BAIAP2: variants seen among roughly 807,000 people sequenced by gnomAD.
BAIAP2 encodes BAR/IMD domain containing adaptor protein 2, also known as BAR/IMD domain-containing adapter protein 2.
Under a neutral mutation model 63.0 loss-of-function variants are expected in BAIAP2, and 18 were observed. The ratio of observed to expected loss-of-function variants is 0.29; its 90% CI spans 0.20 to 0.42. BAIAP2 has a LOEUF of 0.42. Among genes scored for constraint, BAIAP2 ranks in the 10% least tolerant of loss-of-function variants. The pLI, the probability that BAIAP2 is intolerant of heterozygous loss-of-function variation, is 1.00. For synonymous variants in BAIAP2, 386 were observed against 307.6 expected (o/e 1.25, Z -2.67); for missense variants, 610 against 734.3 (o/e 0.83, Z 1.96).
rs2049870907 is a variant in BAIAP2, at chr17:81,057,973, A to AG, written c.217+6_217+7insG. The AG allele has an allele frequency of 7.8e-6, 6 of 765,850 alleles. No homozygotes were observed. Among genetic ancestry groups the AG allele is most frequent in the South Asian group, 4.8e-5 (2 of 41,258 alleles). 47.4% of individuals were successfully genotyped at this position (765,850 alleles called of 1,614,324 possible). On this transcript the variant is annotated splice_region_variant and intron_variant, in intron 3 of 13. Transcript: ENST00000428708. The stretch of plus-strand genomic sequence containing the variant: ...CCAGGGCTCCAAAGAACTCGGTGAG[A>AG]CCCCCCCCCCCCCCCCGCCTGGTAG...
chr17:81,067,680 C>T (rs539507515), intron 3 of BAIAP2, among the ~76,000 whole-genome samples: 43 of 152,334 alleles, frequency 2.8e-4, no homozygotes, highest in Admixed American at 1.1e-3. Flanking sequence ...CTCTGAGGCC[C>T]GGCCAGGTGT....
chr17:81,049,120 G>A (rs2048280418), intron 1 of BAIAP2, among the ~76,000 whole-genome samples: 1 of 152,254 alleles, frequency 6.6e-6, no homozygotes, highest in Admixed American at 6.5e-5. Flanking sequence ...CGTGGTCGCC[G>A]GGGGCACAGC....
At chr17:81,085,467 C>A (rs551801812) in intron 4 of BAIAP2, 187 bp from the exon 5 acceptor site, 3 of 699,058 alleles carry the variant, frequency 4.3e-6, no homozygotes, top group East Asian at 2.7e-5. Flanking sequence ...GTTCAGCACT[C>A]GCTCCTGGCT....
In BAIAP2 at chr17:81,035,176, G is replaced by A. The variant is rs539313380; in HGVS notation, c.-79G>A. On this transcript the variant is annotated 5_prime_UTR_variant, in exon 1 of 14. Coordinates refer to ENST00000428708, the MANE Select transcript of BAIAP2 (RefSeq NM_001144888.2). Reference sequence around the variant, plus strand: ...GTGGTTCGGGTCCGCTTTCGTCTCCGTCCTGCTGCCGTTACCGCCGCTGCT... The same window carrying A: ...GTGGTTCGGGTCCGCTTTCGTCTCCATCCTGCTGCCGTTACCGCCGCTGCT... 7.3e-5 allele frequency: 91 copies of A among 1,247,010 alleles called. No homozygotes were observed. In the East Asian group the frequency reaches 1.4e-3, roughly 20 times the overall value. 77.2% of individuals were successfully genotyped at this position (1,247,010 alleles called of 1,614,324 possible).
intron 6 of BAIAP2, chr17:81,098,269 G>C: frequency 8.6e-7 from 1 of 1,167,126 alleles, no homozygotes; most frequent in African/African-American, 1.6e-5. Flanking sequence ...AGCACAGTCC[G>C]GGGCCTGGGA....
rs1242366845 is a variant in BAIAP2, at chr17:81,117,369, A to AACAAAAC, written c.*1539_*1545dup. The stretch of plus-strand genomic sequence containing the variant: ...CATTGCACCAGCGTTCTAAGCCTCA[A>AACAAAAC]ACAAAACACAAAACAAATCCCCCTG... On this transcript the variant is annotated 3_prime_UTR_variant, in exon 14 of 14. Transcript: ENST00000428708. The AACAAAAC allele has an allele frequency of 6.6e-6, 1 of 152,320 alleles. No homozygotes were observed. The highest frequency in any genetic ancestry group is 2.4e-5 in the African/African-American group (1 of 41,456). 9.4% of individuals were successfully genotyped at this position (152,320 alleles called of 1,614,324 possible). A position where few individuals can be genotyped will look rare whatever the true frequency, so the allele number is the denominator to read the frequency against.
rs1420733901 is a variant in BAIAP2, at chr17:81,085,599, G to A, written c.280-55G>A. 2.7e-6 allele frequency: 4 copies of A among 1,488,322 alleles called. No homozygotes were observed. The Admixed American group carries it at 6.7e-5, about 25-fold the overall frequency. The allele number at this position is 1,488,322 out of a possible 1,614,324, so 92.2% of individuals were successfully genotyped here. ...CCGCTCTAGCCCTGCCCTGCCTCCT[G>A]TTCCGGGTCCATGTGTTGGAGCTGA... On this transcript the variant is annotated intron_variant, in intron 4 of 13. Coordinates refer to ENST00000428708, the MANE Select transcript of BAIAP2 (RefSeq NM_001144888.2).
At chr17:81,108,836 C>CT in intron 13 of BAIAP2, 1 of 1,381,818 alleles carries the variant, frequency 7.2e-7, no homozygotes. Context: ...CGCCCTTGTC[C>CT]TGGGTCTTCC....
intron 3 of BAIAP2, among the ~76,000 whole-genome samples, chr17:81,073,302 T>C (rs1018160538): frequency 2.0e-5 from 3 of 152,128 alleles, no homozygotes; most frequent in Admixed American, 2.0e-4. Flanking sequence ...TGGGGTGCCT[T>C]TCAGATACTC....
chr17:81,111,034 G>A (rs1314242937), intron 13 of BAIAP2: 22 of 1,576,628 alleles, frequency 1.4e-5, no homozygotes, highest in African/African-American at 9.4e-5. Flanking sequence ...CCTCAGTCAC[G>A]CAGCCTGGGT....
At chr17:81,052,301 C>T (rs1035138606) in intron 1 of BAIAP2, among the ~76,000 whole-genome samples, 33 of 152,264 alleles carry the variant, frequency 2.2e-4, no homozygotes, top group African/African-American at 7.7e-4. Flanking sequence ...CCTAGTCCTG[C>T]CTTCCCTCGG....
intron 6 of BAIAP2, among the ~76,000 whole-genome samples, chr17:81,097,256 C>T (rs1430955172): frequency 1.3e-5 from 2 of 152,196 alleles, no homozygotes; most frequent in Admixed American, 6.5e-5. Context: ...GGGTGGGCTG[C>T]AAGGGCAGGG....
At chr17:81,068,832 T>C (rs754527076) in intron 3 of BAIAP2, among the ~76,000 whole-genome samples, 31 of 152,170 alleles carry the variant, frequency 2.0e-4, no homozygotes, top group Non-Finnish European at 4.1e-4. Flanking sequence ...TGTCCAGCCT[T>C]GCGTTCCTGG....
chr17:81,054,651 A>T (rs1211991644), intron 2 of BAIAP2, among the ~76,000 whole-genome samples: 1 of 152,082 alleles, frequency 6.6e-6, no homozygotes, highest in Non-Finnish European at 1.5e-5. Context: ...CGGGTTTGAG[A>T]AATGAGCGAA....
intron 1 of BAIAP2, among the ~76,000 whole-genome samples, chr17:81,048,967 T>G (rs1250608977): frequency 6.6e-6 from 1 of 152,192 alleles, no homozygotes; most frequent in African/African-American, 2.4e-5. Context: ...CCGGACCGCC[T>G]TCATGGGCAG....
intron 1 of BAIAP2, among the ~76,000 whole-genome samples, chr17:81,037,785 G>C (rs2046486512): frequency 6.6e-6 from 1 of 152,244 alleles, no homozygotes; most frequent in South Asian, 2.1e-4. Context: ...ACATTGCATC[G>C]CCTTAACTGC....
intron 6 of BAIAP2, among the ~76,000 whole-genome samples, chr17:81,095,327 C>T (rs972657104): frequency 3.9e-5 from 6 of 152,170 alleles, no homozygotes; most frequent in Admixed American, 3.3e-4. Flanking sequence ...TCGGACGTGC[C>T]CCGTATAGGT....
rs1417487832 is a variant in BAIAP2, at chr17:81,084,874, A to G, written c.260A>G (p.Gln87Arg). ...ATGGCTGAAGTCCACAGGCAGATCC[A>G]GAATCAGCTGGAAGAAATGGTGAGT... The part of the protein sequence containing the change: ...FQMAEVHRQI[Q>R]NQLEEMLKSF... The change falls in exon 4 of 14, where the codon CAG (glutamine) becomes CGG (arginine). Residue 87 changes from glutamine (Q) to arginine (R), a missense_variant. Gln to Arg is a conservative substitution (Grantham distance 43). This residue lies in a region of BAIAP2 where 389 missense variants were observed against 455.6 expected (regional missense o/e 0.85). Transcript: ENST00000428708. 1.2e-6 allele frequency: 2 copies of G among 1,613,758 alleles called. No homozygotes were observed. The highest frequency in any genetic ancestry group is 1.7e-6 in the Non-Finnish European group (2 of 1,180,034).
chr17:81,047,139 C>T (rs983494489), intron 1 of BAIAP2, among the ~76,000 whole-genome samples: 19 of 152,306 alleles, frequency 1.2e-4, no homozygotes, highest in Admixed American at 3.9e-4. Context: ...ATCGAGTCAC[C>T]CTTTTTCCTG....
Sources: gnomAD v4.1 joint callset for allele counts (sites outside exome capture counted in the v4.1 genomes callset) on GRCh38, gnomAD v4.1.1 for gene constraint, gnomAD v4.1.1 regional missense constraint, MANE v1.5 for transcripts, NCBI Gene and HGNC (gene_info 2026-07-23, HGNC 2026-07-21) for gene names.